MRC2: variants seen among roughly 807,000 people sequenced by gnomAD.
MRC2 encodes the protein C-type mannose receptor 2.
Under a neutral mutation model 206.2 loss-of-function variants are expected in MRC2, and 84 were observed. The ratio of observed to expected loss-of-function variants is 0.41; its 90% confidence interval spans 0.34 to 0.49. MRC2 has a LOEUF of 0.49. Among genes scored for constraint, MRC2 ranks in the 20% least tolerant of loss-of-function variants. MRC2 has a pLI of 0.31. For synonymous variants in MRC2, 798 were observed against 800.0 expected (o/e 1.00, Z 0.04); for missense variants, 1,676 against 2,001.5 (o/e 0.84, Z 3.10).
At chr17:62,686,079 G>A (rs1009373384) in intron 20 of MRC2, among the ~76,000 whole-genome samples, 1 of 152,180 alleles carries the variant, frequency 6.6e-6, no homozygotes, top group Non-Finnish European at 1.5e-5. Context: ...TTCCACCTCA[G>A]ATCATCAGGC....
chr17:62,638,737 CAAA>C (rs59450498), intron 1 of MRC2, among the ~76,000 whole-genome samples: 12 of 85,174 alleles, frequency 1.4e-4, no homozygotes, highest in Admixed American at 4.0e-4. Context: ...AACCCTGTCT[CAAA>C]AAAAAAAAAA....
intron 1 of MRC2, among the ~76,000 whole-genome samples, chr17:62,638,461 C>T (rs1036770483): frequency 9.2e-5 from 14 of 151,988 alleles, no homozygotes; most frequent in East Asian, 3.8e-4. Flanking sequence ...TGAGGATGGC[C>T]GGGCGTGGTG....
chr17:62,630,787 T>C (rs1437109243), intron 1 of MRC2, among the ~76,000 whole-genome samples: 1 of 152,084 alleles, frequency 6.6e-6, no homozygotes, highest in African/African-American at 2.4e-5. Flanking sequence ...GAGGGTGGCA[T>C]CGGGTACTTG....
chr17:62,670,289 C>G (rs1053196515), intron 6 of MRC2, among the ~76,000 whole-genome samples: 2 of 152,248 alleles, frequency 1.3e-5, no homozygotes, highest in Non-Finnish European at 2.9e-5. Context: ...TCCTTGAGGC[C>G]CCTCGGGTCT....
chr17:62,690,416 T>C, intron 26 of MRC2, 111 bp downstream of exon 26: 1 of 1,424,344 alleles, frequency 7.0e-7, no homozygotes, highest in South Asian at 1.4e-5. Context: ...AGGCAGCACT[T>C]ACACAAGATG....
rs373167237 is a variant in MRC2 at position 62,666,905 on chromosome 17, G to A, written c.973+35G>A. The A allele has an allele frequency of 4.9e-4, 764 of 1,558,026 alleles. 4 individuals carry two copies. The African/African-American group carries it at 8.8e-3, about 18-fold the overall frequency. On this transcript the variant is annotated intron_variant, in intron 5 of 29. Coordinates refer to ENST00000303375, the MANE Select transcript of MRC2 (RefSeq NM_006039.5). The surrounding 1 kb of genome is among the most constrained non-coding windows in gnomAD (Gnocchi z 5.0). Reference sequence around the variant, plus strand: ...AAGGTTGGGGGCGCAGGGCAGCATAGGGGCCCCGCGGGCTCTTGGCCTCCC... The same window carrying A: ...AAGGTTGGGGGCGCAGGGCAGCATAAGGGCCCCGCGGGCTCTTGGCCTCCC...
rs749687465 is a variant in MRC2, at chr17:62,688,488, C to T, written c.3062-13C>T. The T allele has an allele frequency of 3.7e-6, 6 of 1,614,080 alleles. No homozygotes were observed. Among genetic ancestry groups the T allele is most frequent in the Non-Finnish European group, 1.7e-6 (2 of 1,180,036 alleles). On this transcript the variant is annotated splice_polypyrimidine_tract_variant and intron_variant, in intron 21 of 29. Transcript: ENST00000303375. ...TAGCAGAGTCACTCACAACTGTCTT[C>T]TGGGGACCATAGCATTCATCACAGC...
At chr17:62,655,734 A>G (rs550701602) in intron 1 of MRC2, among the ~76,000 whole-genome samples, 200 of 151,920 alleles carry the variant, frequency 1.3e-3, no homozygotes, top group African/African-American at 4.6e-3. Context: ...AAAAAAAAAA[A>G]AAAAGAAAAA....
chr17:62,691,808 A>G (rs1293704672), intron 28 of MRC2, among the ~76,000 whole-genome samples: 2 of 147,772 alleles, frequency 1.4e-5, no homozygotes, highest in African/African-American at 5.0e-5. Flanking sequence ...CCGACCTCCT[A>G]GAGTGCTAGT....
chr17:62,648,418 G>A (rs1311080546), intron 1 of MRC2, among the ~76,000 whole-genome samples: 1 of 152,170 alleles, frequency 6.6e-6, no homozygotes, highest in Non-Finnish European at 1.5e-5. Flanking sequence ...GCCAAGGGGT[G>A]TGGGCGCTGC....
intron 1 of MRC2, among the ~76,000 whole-genome samples, chr17:62,636,086 CA>C (rs567459098): frequency 1.0e-3 from 155 of 151,464 alleles, no homozygotes; most frequent in African/African-American, 3.5e-3. Context: ...CGCGCCCGGC[CA>C]ATTTTTTTTT....
In MRC2 at chr17:62,680,313, G is replaced by A; in HGVS notation, c.2437+5G>A. 1 of 1,613,908 alleles carries A rather than the reference G, an allele frequency of 6.2e-7. No individual in the cohort carries two copies. Among genetic ancestry groups the A allele is most frequent in the Non-Finnish European group, 8.5e-7 (1 of 1,179,920 alleles). Reference sequence around the variant, plus strand: ...GGATCTGCAAGATCCCCAGAGGTTGGCCGGAGTGGCGCTGGGGGACGCGGG... The same window carrying A: ...GGATCTGCAAGATCCCCAGAGGTTGACCGGAGTGGCGCTGGGGGACGCGGG... On this transcript the variant is annotated splice_donor_5th_base_variant and intron_variant, in intron 15 of 29. Transcript: ENST00000303375. The surrounding 1 kb of genome is among the most constrained non-coding windows in gnomAD (Gnocchi z 4.8).
Position 62,675,633 on chromosome 17 carries a change from C to T in MRC2, c.1570-157C>T, listed in dbSNP as rs769225341. On this transcript the variant is annotated intron_variant, in intron 9 of 29. Transcript: ENST00000303375. This position sits in a 1 kb window ranked among gnomAD's most constrained non-coding sequence, Gnocchi z 4.1. ...ATGGTGGAGGGGGAATGTGGAGAAA[C>T]GAGGTGCAGAACACAGCCCAGTACT... Among the ~76,000 whole-genome samples the T allele has an allele frequency of 6.6e-6, 1 of 152,136 alleles. No individual in the cohort carries two copies. Among genetic ancestry groups the T allele is most frequent in the Non-Finnish European group, 1.5e-5 (1 of 68,014 alleles).
Position 62,627,839 on chromosome 17 carries a change from C to A in MRC2, c.37C>A (p.Arg13Ser), listed in dbSNP as rs1440686940. Residue 13 changes from arginine (R) to serine (S), a missense_variant, in exon 1 of 30, where the codon CGT becomes AGT. Physicochemically the swap from Arg to Ser is moderately radical, Grantham distance 110. Transcript: ENST00000303375. ...CCGGCCGGCCCCCGCGCCCTGGCCTCGTCACCTGCTGCGCTGCGTCCTGCT... is the reference window on the plus strand; with the variant it reads ...CCGGCCGGCCCCCGCGCCCTGGCCTAGTCACCTGCTGCGCTGCGTCCTGCT... Reference protein sequence around the residue: ...PGRPAPAPWPRHLLRCVLLLG... With the variant: ...PGRPAPAPWPSHLLRCVLLLG... The A allele has an allele frequency of 1.4e-6, 2 of 1,470,152 alleles. No homozygotes were observed. The highest frequency in any genetic ancestry group is 8.9e-7 in the Non-Finnish European group (1 of 1,118,922). 91.1% of individuals were successfully genotyped at this position (1,470,152 alleles called of 1,614,324 possible). A position where few individuals can be genotyped will look rare whatever the true frequency, so the allele number is the denominator to read the frequency against.
rs1033438543 is a variant in MRC2, at chr17:62,666,484, G to C, written c.724G>C (p.Asp242His). The C allele has an allele frequency of 1.9e-5, 31 of 1,613,874 alleles. No homozygotes were observed. Among genetic ancestry groups the C allele is most frequent in the Non-Finnish European group, 2.5e-5 (29 of 1,180,024 alleles). ...SNDCETFWDKDQLTDSCYQFN... is the reference protein window; with the variant it reads ...SNDCETFWDKHQLTDSCYQFN... ...CGACTGCGAGACCTTCTGGGACAAG[G>C]ACCAGCTGACTGACAGCTGCTACCA... Residue 242 changes from aspartate (D) to histidine (H), a missense_variant, in exon 4 of 30, where the codon GAC becomes CAC. Coordinates refer to ENST00000303375, the MANE Select transcript of MRC2 (RefSeq NM_006039.5). This position sits in a 1 kb window ranked among gnomAD's most constrained non-coding sequence, Gnocchi z 5.0.
intron 1 of MRC2, among the ~76,000 whole-genome samples, chr17:62,657,234 G>A (rs1173926552): frequency 3.3e-5 from 5 of 152,158 alleles, no homozygotes; most frequent in African/African-American, 4.8e-5. Flanking sequence ...AGAGCCCAGC[G>A]CCCTGCCAGA....
At chr17:62,690,607 C>T (rs769540787) in intron 26 of MRC2, 35 bp from the exon 27 acceptor site, 3 of 1,553,692 alleles carry the variant, frequency 1.9e-6, no homozygotes, top group African/African-American at 2.7e-5. Context: ...CCCCGGAGAC[C>T]CATCCGCCCT....
intron 18 of MRC2, chr17:62,681,345 T>C (rs2088964055): frequency 1.7e-6 from 1 of 605,338 alleles, no homozygotes; most frequent in Non-Finnish European, 2.9e-6. Flanking sequence ...AGAAATAACA[T>C]ATGCGAAGTG....
chr17:62,674,244 G>A, intron 9 of MRC2, 74 bp downstream of exon 9: 3 of 1,106,984 alleles, frequency 2.7e-6, no homozygotes, highest in Admixed American at 2.6e-5. Flanking sequence ...AGAGGTGGAT[G>A]AACTCCTGCT....
Sources: allele counts gnomAD v4.1 joint callset (sites outside exome capture counted in the v4.1 genomes callset), GRCh38; gene constraint gnomAD v4.1.1; non-coding constraint Gnocchi (gnomAD v3.1); transcripts MANE v1.5; gene names NCBI Gene and HGNC (gene_info 2026-07-23, HGNC 2026-07-21).